HOOK3: variants seen among roughly 807,000 people sequenced by gnomAD.
The protein encoded by HOOK3 is protein Hook homolog 3.
In HOOK3, 24 loss-of-function variants were observed where a neutral mutation model predicts 116.3. The observed-to-expected ratio is 0.21, with a 90% CI of 0.15 to 0.29. The LOEUF is 0.29. Among genes scored for constraint, HOOK3 ranks in the 10% least tolerant of loss-of-function variants. The pLI is 1.00. For synonymous variants in HOOK3, 275 were observed against 283.0 expected (o/e 0.97, Z 0.28); for missense variants, 632 against 830.2 (o/e 0.76, Z 2.93).
chr8:42,913,881 T>TA (rs147258248), intron 2 of HOOK3, among the ~76,000 whole-genome samples: 3,704 of 150,744 alleles, frequency 0.025, 159 homozygotes, highest in African/African-American at 0.087. Context: ...TGCCAGTCAT[T>TA]AAAAAAAAAG....
At chr8:42,986,946 C>T (rs949842954) in intron 15 of HOOK3, 151 bp downstream of exon 15, 6 of 755,836 alleles carry the variant, frequency 7.9e-6, no homozygotes, top group Middle Eastern at 3.1e-4. Context: ...CGCTTGAGCT[C>T]GGGAGTTCAA....
intron 2 of HOOK3, among the ~76,000 whole-genome samples, chr8:42,910,878 A>G (rs1486215751): frequency 6.6e-6 from 1 of 152,248 alleles, no homozygotes; most frequent in African/African-American, 2.4e-5. Context: ...AGAGAAGTAC[A>G]CAATGTTACG....
At chr8:42,987,903 C>T (rs1184645542) in intron 15 of HOOK3, among the ~76,000 whole-genome samples, 2 of 151,748 alleles carry the variant, frequency 1.3e-5, no homozygotes, top group Non-Finnish European at 2.9e-5. Context: ...AAGGATTTGA[C>T]GTTTTTATTA....
chr8:42,960,191 A>T (rs955360417), intron 8 of HOOK3, among the ~76,000 whole-genome samples: 1 of 152,222 alleles, frequency 6.6e-6, no homozygotes, highest in African/African-American at 2.4e-5. Context: ...TGGATTGGCA[A>T]ACTGTGGCTT....
At chr8:42,978,881 A>G (rs1317381868) in intron 13 of HOOK3, among the ~76,000 whole-genome samples, 1 of 152,100 alleles carries the variant, frequency 6.6e-6, no homozygotes, top group Non-Finnish European at 1.5e-5. Context: ...GATTAGAGTG[A>G]CCTAGTTTTC....
intron 5 of HOOK3, among the ~76,000 whole-genome samples, chr8:42,950,145 C>T (rs1808312390): frequency 6.6e-6 from 1 of 152,142 alleles, no homozygotes; most frequent in Non-Finnish European, 1.5e-5. Flanking sequence ...ATATTCCATT[C>T]TCGTGACCTG....
At chr8:42,977,844 G>A (rs1387366885) in intron 13 of HOOK3, among the ~76,000 whole-genome samples, 2 of 152,086 alleles carry the variant, frequency 1.3e-5, no homozygotes, top group Admixed American at 6.5e-5. Flanking sequence ...TGCAGCCTGG[G>A]CGACAGAGTG....
intron 14 of HOOK3, among the ~76,000 whole-genome samples, chr8:42,984,136 A>G (rs1044886989): frequency 1.1e-4 from 16 of 152,166 alleles, no homozygotes; most frequent in Admixed American, 5.2e-4. Context: ...GGGAGGCCAA[A>G]GTGGGTGGAT....
intron 1 of HOOK3, among the ~76,000 whole-genome samples, chr8:42,901,085 A>G (rs1206091481): frequency 6.6e-6 from 1 of 152,232 alleles, no homozygotes; most frequent in Non-Finnish European, 1.5e-5. Flanking sequence ...TGCCTCAACC[A>G]GCTAGATGAC....
chr8:43,007,795 C>A, intron 17 of HOOK3, 52 bp from the exon 18 acceptor site: 1 of 1,134,002 alleles, frequency 8.8e-7, no homozygotes, highest in Non-Finnish European at 1.3e-6. Flanking sequence ...TTAATTTGAA[C>A]TGGAAAAAAT....
intron 15 of HOOK3, among the ~76,000 whole-genome samples, chr8:42,992,821 G>A (rs1183257596): frequency 6.6e-6 from 1 of 150,476 alleles, no homozygotes; most frequent in Non-Finnish European, 1.5e-5. Flanking sequence ...TTGTCTGATT[G>A]CTCTGGCTAG....
chr8:42,938,927 C>T (rs191789686), intron 4 of HOOK3, among the ~76,000 whole-genome samples: 2,309 of 152,118 alleles, frequency 0.015, 32 homozygotes, highest in Non-Finnish European at 0.022. Flanking sequence ...TCTTAACGAG[C>T]ATGCTGCCTT....
At chr8:42,957,826 C>T (rs1586609353) in intron 7 of HOOK3, among the ~76,000 whole-genome samples, 2 of 135,270 alleles carry the variant, frequency 1.5e-5, no homozygotes, top group South Asian at 2.4e-4. Context: ...ATATCTCTTC[C>T]TTTTTTTTTT....
At chr8:42,991,863 A>G (rs1051445909) in intron 15 of HOOK3, among the ~76,000 whole-genome samples, 6 of 152,084 alleles carry the variant, frequency 3.9e-5, no homozygotes, top group African/African-American at 1.4e-4. Flanking sequence ...AGCTAGGATT[A>G]CAGATGTGAG....
chr8:43,002,209 A>G (rs1809394624), intron 17 of HOOK3, 68 bp downstream of exon 17: 8 of 1,222,312 alleles, frequency 6.5e-6, no homozygotes, highest in Non-Finnish European at 9.6e-6. Flanking sequence ...TTAGGTAGTT[A>G]CGGTGTGTCT....
intron 3 of HOOK3, among the ~76,000 whole-genome samples, chr8:42,925,897 T>C (rs1449304972): frequency 6.6e-6 from 1 of 152,212 alleles, no homozygotes; most frequent in East Asian, 1.9e-4. Flanking sequence ...GGGGAAGTGT[T>C]GTGACCTTCC....
chr8:42,995,699 T>C (rs914401622), intron 15 of HOOK3, among the ~76,000 whole-genome samples: 10 of 152,226 alleles, frequency 6.6e-5, no homozygotes, highest in Admixed American at 2.0e-4. Flanking sequence ...TTTCTAGGCA[T>C]TTCATTTTCA....
At chr8:42,967,888 T>G in intron 10 of HOOK3, 125 bp from the exon 11 acceptor site, 1 of 620,866 alleles carries the variant, frequency 1.6e-6, no homozygotes, top group South Asian at 2.0e-5. Context: ...TGCAGAAAAT[T>G]AACCTGGAAT....
At chr8:42,932,067 A>G (rs939656331) in intron 4 of HOOK3, among the ~76,000 whole-genome samples, 2 of 152,132 alleles carry the variant, frequency 1.3e-5, no homozygotes, top group African/African-American at 4.8e-5. Flanking sequence ...GAGCCATGAA[A>G]TGAGGTTGGA....
Sources: allele counts gnomAD v4.1 joint callset (sites outside exome capture counted in the v4.1 genomes callset), GRCh38; gene constraint gnomAD v4.1.1; transcripts MANE v1.5; gene names NCBI Gene and HGNC (gene_info 2026-07-23, HGNC 2026-07-21).